The following TEK variants were observed in gnomAD, a reference collection of about 807,000 sequenced individuals.
TEK encodes the protein TEK receptor tyrosine kinase.
In TEK, 43 loss-of-function variants were observed where a neutral mutation model predicts 131.8. The observed-to-expected ratio is 0.33, with a 90% CI of 0.26 to 0.42. The LOEUF is 0.42. Among genes scored for constraint, TEK ranks in the 10% least tolerant of loss-of-function variants. The pLI is 1.00. For synonymous variants in TEK, 580 were observed against 491.6 expected (o/e 1.18, Z -2.38); for missense variants, 1,162 against 1,384.4 (o/e 0.84, Z 2.55).
At chr9:27,149,604 T>C (rs1358154153) in intron 1 of TEK, among the ~76,000 whole-genome samples, 1 of 152,206 alleles carries the variant, frequency 6.6e-6, no homozygotes, top group East Asian at 1.9e-4. Flanking sequence ...CTCCAATCGT[T>C]CTCCGTGAAT....
chr9:27,134,580 C>T (rs1822347066), intron 1 of TEK, among the ~76,000 whole-genome samples: 1 of 152,146 alleles, frequency 6.6e-6, no homozygotes, highest in Admixed American at 6.5e-5. Context: ...GCCTAGGGCT[C>T]TTGCTGACTA....
chr9:27,203,561 T>C (rs1825296783), intron 13 of TEK, among the ~76,000 whole-genome samples: 1 of 152,208 alleles, frequency 6.6e-6, no homozygotes, highest in Non-Finnish European at 1.5e-5. Flanking sequence ...GGTTATTCCA[T>C]GTCCACCACT....
chr9:27,191,886 G>C (rs1408195773), intron 10 of TEK: 1 of 448,270 alleles, frequency 2.2e-6, no homozygotes, highest in African/African-American at 2.0e-5. Context: ...TTCTTACCAA[G>C]TAGGAATTTA....
intron 1 of TEK, among the ~76,000 whole-genome samples, chr9:27,124,632 C>T (rs981369257): frequency 6.6e-6 from 1 of 152,222 alleles, no homozygotes; most frequent in Admixed American, 6.5e-5. Context: ...GCCAATAATT[C>T]AACCTATTAT....
chr9:27,218,653 C>T (rs1462488598), intron 19 of TEK, 124 bp from the exon 20 acceptor site: 1 of 953,576 alleles, frequency 1.0e-6, no homozygotes, highest in African/African-American at 1.6e-5. Flanking sequence ...AGGGCCTATC[C>T]TAGGATGTAG....
chr9:27,174,936 G>A (rs1052556230), intron 6 of TEK, among the ~76,000 whole-genome samples: 3 of 151,142 alleles, frequency 2.0e-5, no homozygotes, highest in African/African-American at 7.3e-5. Flanking sequence ...GCTTTGTAGT[G>A]AATGTGTCTC....
At position 27,154,969 on chromosome 9, in the gene TEK, G is replaced by A. The variant is rs531510526; in HGVS notation, c.53-2862G>A. 4.6e-5 allele frequency among the ~76,000 whole-genome samples: 7 copies of A among 152,322 alleles called. 1 individual carries two copies. In the South Asian group the frequency reaches 1.0e-3, roughly 23 times the overall value. On this transcript the variant is annotated intron_variant, in intron 1 of 22. Coordinates refer to ENST00000380036, the MANE Select transcript of TEK (RefSeq NM_000459.5). ...TGTCTTTTCAAATCAACTGCATTTT[G>A]TATTATTTCCTAAAGCTATTAAATA...
intron 20 of TEK, among the ~76,000 whole-genome samples, chr9:27,219,050 A>ATG (rs55938779): frequency 6.6e-6 from 1 of 152,138 alleles, no homozygotes; most frequent in Non-Finnish European, 1.5e-5. Context: ...ATTATATATT[A>ATG]ATTGGCTCCG....
intron 1 of TEK, among the ~76,000 whole-genome samples, chr9:27,119,063 C>A (rs2131036744): frequency 6.6e-6 from 1 of 152,286 alleles, no homozygotes; most frequent in East Asian, 1.9e-4. Context: ...GTTCTGTGAG[C>A]TAGTTTCTTT....
intron 11 of TEK, among the ~76,000 whole-genome samples, chr9:27,196,442 C>G (rs1031823011): frequency 6.6e-6 from 1 of 152,138 alleles, no homozygotes; most frequent in South Asian, 2.1e-4. Context: ...GAGGTGGTAT[C>G]TTATTCTAGA....
At chr9:27,197,831 G>A (rs1825083969) in intron 12 of TEK, among the ~76,000 whole-genome samples, 1 of 152,168 alleles carries the variant, frequency 6.6e-6, no homozygotes, top group South Asian at 2.1e-4. Context: ...CCCTTGGTGT[G>A]CAGTTGTTTA....
chr9:27,139,227 AGT>A (rs1822627855), intron 1 of TEK, among the ~76,000 whole-genome samples: 1 of 146,712 alleles, frequency 6.8e-6, no homozygotes, highest in African/African-American at 2.5e-5. Context: ...AAAAAAAAAC[AGT>A]AGGATTCTTA....
At chr9:27,165,954 G>A (rs529941) in intron 2 of TEK, among the ~76,000 whole-genome samples, 2,988 of 152,362 alleles carry the variant, frequency 0.02, 100 homozygotes, top group African/African-American at 0.066. Context: ...AGCATGGTTC[G>A]GAGGCATCTT....
chr9:27,196,938 G>A (rs145609450), intron 11 of TEK, among the ~76,000 whole-genome samples: 13,085 of 151,604 alleles, frequency 0.086, 670 homozygotes, highest in Admixed American at 0.16. Flanking sequence ...ATGTATACAC[G>A]TGCCATGTTG....
intron 1 of TEK, among the ~76,000 whole-genome samples, chr9:27,129,246 CATTCTGTTT>C (rs1554687851): frequency 6.6e-6 from 1 of 152,026 alleles, no homozygotes; most frequent in Non-Finnish European, 1.5e-5. Flanking sequence ...TGGTTTTTGT[CATTCTGTTT>C]ATGTGATGGA....
At chr9:27,144,602 ATT>A (rs576655977) in intron 1 of TEK, among the ~76,000 whole-genome samples, 1 of 150,600 alleles carries the variant, frequency 6.6e-6, no homozygotes, top group Admixed American at 6.6e-5. Flanking sequence ...AGCACACAGG[ATT>A]TTTTTTTTAA....
intron 6 of TEK, among the ~76,000 whole-genome samples, chr9:27,177,049 A>G (rs1006858807): frequency 6.6e-6 from 1 of 152,204 alleles, no homozygotes; most frequent in African/African-American, 2.4e-5. Flanking sequence ...ATAATATGCC[A>G]TTATATATGT....
At chr9:27,148,675 C>G (rs895450433) in intron 1 of TEK, among the ~76,000 whole-genome samples, 15 of 152,226 alleles carry the variant, frequency 9.9e-5, no homozygotes, top group African/African-American at 3.6e-4. Flanking sequence ...GAGAAAGAAA[C>G]TCCACTTCTT....
At chr9:27,111,320 C>T (rs1034737835) in intron 1 of TEK, among the ~76,000 whole-genome samples, 2 of 152,168 alleles carry the variant, frequency 1.3e-5, no homozygotes, top group Non-Finnish European at 2.9e-5. Context: ...TCGTAGCTTG[C>T]ATTCCTAGTC....
Sources: gnomAD v4.1 joint callset for allele counts (sites outside exome capture counted in the v4.1 genomes callset) on GRCh38, gnomAD v4.1.1 for gene constraint, MANE v1.5 for transcripts, NCBI Gene and HGNC (gene_info 2026-07-23, HGNC 2026-07-21) for gene names.